Variants in CPNE2 observed in about 807,000 individuals in gnomAD.
CPNE2 encodes copine 2.
In CPNE2, 42 loss-of-function variants were observed where a neutral mutation model predicts 69.7. That is an observed-to-expected ratio of 0.60 (90% CI 0.47 to 0.78). The LOEUF is 0.78. Among genes scored for constraint, CPNE2 ranks in the 30% least tolerant of loss-of-function variants. The pLI, the probability that CPNE2 is intolerant of heterozygous loss-of-function variation, is 0.00. For missense variants in CPNE2, 587 were observed against 732.0 expected (o/e 0.80, Z 2.29); for synonymous variants, 294 against 289.8 (o/e 1.01, Z -0.15).
intron 1 of CPNE2, 113 bp from the exon 2 acceptor site, chr16:57,110,595 T>G (rs898680459): frequency 7.0e-6 from 4 of 570,798 alleles, no homozygotes; most frequent in Non-Finnish European, 1.2e-5. Flanking sequence ...CCGCCTCAAT[T>G]TGCCTTCCAT....
At chr16:57,113,940 T>G (rs55997431) in intron 3 of CPNE2, among the ~76,000 whole-genome samples, 18,396 of 152,296 alleles carry the variant, frequency 0.12, 1,415 homozygotes, top group African/African-American at 0.22. Context: ...TCCTTATGGC[T>G]GTATGCCCTT....
intron 10 of CPNE2, chr16:57,125,087 T>A: frequency 6.1e-6 from 2 of 329,374 alleles, no homozygotes; most frequent in Non-Finnish European, 1.2e-5. Flanking sequence ...TAGCCAAATC[T>A]TCCCCGGGGT....
At chr16:57,105,522 A>T (rs1597491029) in intron 1 of CPNE2, among the ~76,000 whole-genome samples, 1 of 151,856 alleles carries the variant, frequency 6.6e-6, no homozygotes, top group East Asian at 1.9e-4. Context: ...CGCAGCCCCA[A>T]ACTCCTGGGC....
chr16:57,113,478 C>T lies in CPNE2; in HGVS notation c.360+11C>T, dbSNP rs1350488265. On this transcript the variant is annotated intron_variant, in intron 3 of 15. Coordinates refer to ENST00000290776, the MANE Select transcript of CPNE2 (RefSeq NM_152727.6). Reference sequence around the variant, plus strand: ...TGCAGCCTGGGCACGGTGAGCTGGGCCCTCCTGGGTGGGAGCAGGGGCCCA... The same window carrying T: ...TGCAGCCTGGGCACGGTGAGCTGGGTCCTCCTGGGTGGGAGCAGGGGCCCA... 2 of 1,611,406 alleles carry T rather than the reference C, an allele frequency of 1.2e-6. No homozygotes were observed. Among genetic ancestry groups the T allele is most frequent in the Non-Finnish European group, 1.7e-6 (2 of 1,178,486 alleles).
chr16:57,099,543 A>T (rs1481329595), intron 1 of CPNE2, among the ~76,000 whole-genome samples: 1 of 150,138 alleles, frequency 6.7e-6, no homozygotes, highest in African/African-American at 2.5e-5. Context: ...ATTATTGCCA[A>T]CACATGGTAT....
At chr16:57,133,825 C>T (rs775639892) in intron 12 of CPNE2, among the ~76,000 whole-genome samples, 3 of 152,182 alleles carry the variant, frequency 2.0e-5, no homozygotes, top group Admixed American at 6.5e-5. Context: ...GAGGTGATAA[C>T]AGCTGCCCTT....
chr16:57,134,841 C>G lies in CPNE2; in HGVS notation c.1168+15C>G. 1 of 1,613,652 alleles carries G rather than the reference C, an allele frequency of 6.2e-7. No individual in the cohort carries two copies. The highest frequency in any genetic ancestry group is 8.5e-7 in the Non-Finnish European group (1 of 1,179,780). On this transcript the variant is annotated intron_variant, in intron 13 of 15. Coordinates refer to ENST00000290776, the MANE Select transcript of CPNE2 (RefSeq NM_152727.6). Reference sequence around the variant, plus strand: ...CTTCTGCTCAGGTGAGTGTCAGACCCACCTGCAGCTGCCCTGTGTTTGCTA... The same window carrying G: ...CTTCTGCTCAGGTGAGTGTCAGACCGACCTGCAGCTGCCCTGTGTTTGCTA...
chr16:57,107,063 CTCTAAAA>C (rs2069652654), intron 1 of CPNE2, among the ~76,000 whole-genome samples: 1 of 152,206 alleles, frequency 6.6e-6, no homozygotes, highest in African/African-American at 2.4e-5. Context: ...GTTTCCTCAT[CTCTAAAA>C]TGGGGGCAAT....
chr16:57,113,368 G>C lies in CPNE2; in HGVS notation c.261G>C (p.Glu87Asp). 1 of 1,614,176 alleles carries C rather than the reference G, an allele frequency of 6.2e-7. No individual in the cohort carries two copies. The highest frequency in any genetic ancestry group is 8.5e-7 in the Non-Finnish European group (1 of 1,180,032). The change falls in exon 3 of 16, where the codon GAG becomes GAC. Residue 87 changes from glutamate (E) to aspartate (D), a missense_variant. Around this residue, in one of 5 missense-constraint regions of CPNE2, gnomAD observed 34 missense variants for 67.1 expected, o/e 0.51. Coordinates refer to ENST00000290776, the MANE Select transcript of CPNE2 (RefSeq NM_152727.6). Reference sequence around the variant, plus strand: ...TCGTGCTTGACTACCACTTCGAGGAGGTACAGAAGCTCAAGTTCGCGCTCT... The same window carrying C: ...TCGTGCTTGACTACCACTTCGAGGACGTACAGAAGCTCAAGTTCGCGCTCT... ...KKFVLDYHFE[E>D]VQKLKFALFD...
intron 7 of CPNE2, among the ~76,000 whole-genome samples, chr16:57,120,695 T>C (rs2069755521): frequency 1.3e-5 from 2 of 151,938 alleles, no homozygotes; most frequent in Middle Eastern, 3.2e-3. Flanking sequence ...CCTGCCTTCC[T>C]CCTAGGAGGG....
rs989027410 is a variant in CPNE2, at chr16:57,147,291, C to A, written c.1540-260C>A. 5 of 363,006 alleles carry A rather than the reference C, an allele frequency of 1.4e-5. No individual in the cohort carries two copies. The Admixed American group carries it at 1.9e-4, about 13-fold the overall frequency. 22.5% of individuals were successfully genotyped at this position (363,006 alleles called of 1,614,324 possible). ...TTCCCGCAGACGGAGTCATCCTAACCCGTTACTCCCAAGCATCTCAAGTGC... is the reference window on the plus strand; with the variant it reads ...TTCCCGCAGACGGAGTCATCCTAACACGTTACTCCCAAGCATCTCAAGTGC... On this transcript the variant is annotated intron_variant, in intron 15 of 15. Transcript: ENST00000290776.
At chr16:57,115,328 G>T in intron 3 of CPNE2, 148 bp from the exon 4 acceptor site, 1 of 627,084 alleles carries the variant, frequency 1.6e-6, no homozygotes, top group Non-Finnish European at 2.8e-6. Context: ...CCACCTCCCA[G>T]GGTGATGATG....
chr16:57,137,409 A>C, intron 14 of CPNE2, 127 bp downstream of exon 14: 2 of 1,247,604 alleles, frequency 1.6e-6, no homozygotes, highest in Non-Finnish European at 2.2e-6. Context: ...CTTTACCTTC[A>C]CGTATTGTAA....
At chr16:57,093,910 C>G (rs765030326) in intron 1 of CPNE2, 3 of 375,100 alleles carry the variant, frequency 8.0e-6, no homozygotes, top group African/African-American at 6.4e-5. Context: ...GATGGGGAGG[C>G]CTGGGAGACC....
In CPNE2 at chr16:57,136,070, TGAAA is replaced by T. The variant is rs567658918; in HGVS notation, c.1169-1075_1169-1072del. Reference sequence around the variant, plus strand: ...AGGAAGAAAGAAAGAAAAAGGAAGATGAAAGAAGGAAGGGAGGGATGGAGGAAGG... The same window carrying T: ...AGGAAGAAAGAAAGAAAAAGGAAGATGAAGGAAGGGAGGGATGGAGGAAGG... On this transcript the variant is annotated intron_variant, in intron 13 of 15. Transcript: ENST00000290776. Among the ~76,000 whole-genome samples the T allele has an allele frequency of 3.7e-4, 53 of 142,816 alleles. 1 individual carries two copies. In the East Asian group the frequency reaches 0.011, roughly 29 times the overall value. 93.7% of individuals were successfully genotyped at this position (142,816 alleles called of 152,430 possible). A position where few individuals can be genotyped will look rare whatever the true frequency, so the allele number is the denominator to read the frequency against.
chr16:57,144,801 A>T (rs2069945530), intron 14 of CPNE2: 1 of 152,316 alleles, frequency 6.6e-6, no homozygotes, highest in East Asian at 1.9e-4. Context: ...TACAAAAATT[A>T]GTCGGGCATG....
At chr16:57,119,450 G>A (rs2069744753) in intron 6 of CPNE2, 111 bp from the exon 7 acceptor site, 5 of 1,140,646 alleles carry the variant, frequency 4.4e-6, no homozygotes, top group East Asian at 2.5e-5. Flanking sequence ...TCTGTCTCTG[G>A]AAGTGTGGCT....
chr16:57,099,775 A>ATTTTT (rs776284229), intron 1 of CPNE2, among the ~76,000 whole-genome samples: 1 of 101,410 alleles, frequency 9.9e-6, no homozygotes, highest in Non-Finnish European at 2.0e-5. Context: ...CTAATTTTTG[A>ATTTTT]TTTTTTTTTT....
intron 15 of CPNE2, 85 bp from the exon 16 acceptor site, chr16:57,147,466 C>G: frequency 3.1e-6 from 3 of 966,900 alleles, no homozygotes; most frequent in Non-Finnish European, 4.5e-6. Context: ...GCTGTAGCAG[C>G]CCTCTGGGCA....
Sources: allele counts gnomAD v4.1 joint callset (sites outside exome capture counted in the v4.1 genomes callset), GRCh38; gene constraint gnomAD v4.1.1; regional missense constraint gnomAD v4.1.1; transcripts MANE v1.5; gene names NCBI Gene and HGNC (gene_info 2026-07-23, HGNC 2026-07-21).